XYLT1: variants seen among roughly 807,000 people sequenced by gnomAD.
XYLT1 encodes the protein xylosyltransferase 1.
XYLT1 carries 36 observed loss-of-function variants against 91.3 expected under a neutral mutation model. That is an observed-to-expected ratio of 0.39 (90% CI 0.30 to 0.52). The LOEUF (loss-of-function observed/expected upper bound fraction) is 0.52, where lower values mean the gene tolerates loss of function less well. Among genes scored for constraint, XYLT1 ranks in the 20% least tolerant of loss-of-function variants. XYLT1 has a pLI of 0.68. For missense variants in XYLT1, 1,242 were observed against 1,284.5 expected, an observed-to-expected ratio of 0.97 and a Z score of 0.51; for synonymous variants, 588 against 532.0, an observed-to-expected ratio of 1.11 and a Z score of -1.45.
chr16:17,242,785 G>GC (rs1291366977), intron 3 of XYLT1, among the ~76,000 whole-genome samples: 2 of 152,060 alleles, frequency 1.3e-5, no homozygotes, highest in African/African-American at 4.8e-5. Context: ...TCTCCCTCAA[G>GC]CCCCTAGGTC....
intron 1 of XYLT1, among the ~76,000 whole-genome samples, chr16:17,459,461 C>G (rs997620097): frequency 4.6e-5 from 7 of 152,132 alleles, no homozygotes; most frequent in African/African-American, 1.7e-4. Context: ...AGAATATCTG[C>G]CCTTGTAGCA....
intron 2 of XYLT1, among the ~76,000 whole-genome samples, chr16:17,350,787 A>C (rs2035209754): frequency 6.6e-6 from 1 of 152,186 alleles, no homozygotes; most frequent in African/African-American, 2.4e-5. Flanking sequence ...TGTGGAGGAA[A>C]AGGTTAATCG....
At chr16:17,413,550 A>C (rs1380515105) in intron 1 of XYLT1, among the ~76,000 whole-genome samples, 1 of 151,304 alleles carries the variant, frequency 6.6e-6, no homozygotes, top group Non-Finnish European at 1.5e-5. Context: ...GGTTCAATCA[A>C]CCTCAGTGTT....
chr16:17,132,218 G>A (rs8051152), intron 9 of XYLT1, among the ~76,000 whole-genome samples: 34 of 152,300 alleles, frequency 2.2e-4, no homozygotes, highest in African/African-American at 3.6e-4. Flanking sequence ...CTAGCAGTGG[G>A]GGGGAGAGAG....
At chr16:17,431,582 C>A (rs1197117255) in intron 1 of XYLT1, among the ~76,000 whole-genome samples, 2 of 152,172 alleles carry the variant, frequency 1.3e-5, no homozygotes, top group African/African-American at 4.8e-5. Flanking sequence ...AAGGGGAATA[C>A]CATGTCATTG....
chr16:17,302,079 G>A (rs759988104), intron 2 of XYLT1, among the ~76,000 whole-genome samples: 3 of 152,034 alleles, frequency 2.0e-5, no homozygotes, highest in Non-Finnish European at 4.4e-5. Context: ...AGGCGTGGTG[G>A]CATACACCCT....
intron 2 of XYLT1, among the ~76,000 whole-genome samples, chr16:17,322,646 C>G (rs1442030436): frequency 6.6e-6 from 1 of 152,194 alleles, no homozygotes; most frequent in Non-Finnish European, 1.5e-5. Flanking sequence ...CCTGCTAACT[C>G]TTTTTTACTC....
intron 1 of XYLT1, among the ~76,000 whole-genome samples, chr16:17,361,781 TAC>T (rs1305722672): frequency 1.3e-5 from 2 of 152,208 alleles, no homozygotes; most frequent in Non-Finnish European, 2.9e-5. Flanking sequence ...TGAAAATACA[TAC>T]AGTTTTCATT....
chr16:17,338,867 C>T (rs1388896875), intron 2 of XYLT1, among the ~76,000 whole-genome samples: 5 of 152,160 alleles, frequency 3.3e-5, no homozygotes, highest in Admixed American at 3.3e-4. Context: ...TTATCATTCA[C>T]CCGTTAAGGT....
chr16:17,349,370 A>G (rs777141541), intron 2 of XYLT1, among the ~76,000 whole-genome samples: 10 of 152,138 alleles, frequency 6.6e-5, no homozygotes, highest in Non-Finnish European at 1.5e-4. Flanking sequence ...ATCTCCTTCT[A>G]TATCTTATTG....
intron 1 of XYLT1, among the ~76,000 whole-genome samples, chr16:17,376,827 CAAAAAAA>C (rs10684824): frequency 0.019 from 1,074 of 55,708 alleles, 15 homozygotes; most frequent in Admixed American, 0.089. Context: ...AACTCTGTCT[CAAAAAAA>C]AAAAAAAAAA....
intron 2 of XYLT1, among the ~76,000 whole-genome samples, chr16:17,288,858 ACT>A (rs1355188312): frequency 6.6e-6 from 1 of 151,982 alleles, no homozygotes; most frequent in East Asian, 1.9e-4. Flanking sequence ...TCACCCAAAG[ACT>A]CTTGAACAGT....
chr16:17,438,633 T>A (rs932779440), intron 1 of XYLT1, among the ~76,000 whole-genome samples: 3 of 152,154 alleles, frequency 2.0e-5, no homozygotes, highest in South Asian at 2.1e-4. Context: ...GAGATTTAAT[T>A]GACTCAGTTC....
chr16:17,363,957 G>C (rs994204885), intron 1 of XYLT1, among the ~76,000 whole-genome samples: 2 of 152,190 alleles, frequency 1.3e-5, no homozygotes, highest in Non-Finnish European at 2.9e-5. Context: ...GGGATTAAAG[G>C]CATGAGCCAC....
chr16:17,228,061 G>T (rs2033097534), intron 3 of XYLT1: 1 of 152,206 alleles, frequency 6.6e-6, no homozygotes, highest in Admixed American at 6.5e-5. Context: ...ATTGACTGTT[G>T]TAGGTTTGGA....
At chr16:17,351,488 G>C (rs1295156290) in intron 2 of XYLT1, among the ~76,000 whole-genome samples, 1 of 152,094 alleles carries the variant, frequency 6.6e-6, no homozygotes, top group African/African-American at 2.4e-5. Context: ...ATTCCAGCCT[G>C]GGTGACAGAG....
At chr16:17,113,301 C>G (rs1000108042) in intron 11 of XYLT1, among the ~76,000 whole-genome samples, 52 of 151,768 alleles carry the variant, frequency 3.4e-4, no homozygotes, top group Non-Finnish European at 1.0e-4. Context: ...GTCACCATGC[C>G]TGGCTAATTT....
intron 2 of XYLT1, among the ~76,000 whole-genome samples, chr16:17,296,430 A>T (rs1303871390): frequency 1.3e-5 from 2 of 152,054 alleles, no homozygotes; most frequent in Non-Finnish European, 2.9e-5. Context: ...AGCCTTGCCT[A>T]AATTTTGTGT....
At chr16:17,281,272 A>G (rs758932793) in intron 2 of XYLT1, among the ~76,000 whole-genome samples, 14 of 151,686 alleles carry the variant, frequency 9.2e-5, no homozygotes, top group Non-Finnish European at 1.3e-4. Flanking sequence ...GGCTCCATGC[A>G]GCATCCAGGG....
Sources: allele counts gnomAD v4.1 joint callset (sites outside exome capture counted in the v4.1 genomes callset), GRCh38; gene constraint gnomAD v4.1.1; transcripts MANE v1.5; gene names NCBI Gene and HGNC (gene_info 2026-07-23, HGNC 2026-07-21).